The following RARS1 variants were observed in gnomAD, a reference collection of about 807,000 sequenced individuals.
The protein encoded by RARS1 is arginyl-tRNA synthetase 1, also known as arginine--tRNA ligase, cytoplasmic.
In RARS1, 75 loss-of-function variants were observed where a neutral mutation model predicts 78.7. That is an observed-to-expected ratio of 0.95 (90% CI 0.79 to 1.15). RARS1 has a LOEUF of 1.15. Ranked by LOEUF, RARS1 falls within the 50% of genes most tolerant of loss-of-function variation. The probability of loss-of-function intolerance (pLI) is 0.00; values close to 1 mark genes in which losing one functional copy is unlikely to be tolerated. For missense variants in RARS1, 787 were observed against 787.5 expected (o/e 1.00, Z 0.01); for synonymous variants, 273 against 268.2 (o/e 1.02, Z -0.18).
chr5:168,500,843 T>G, intron 8 of RARS1, 123 bp downstream of exon 8: 1 of 1,211,664 alleles, frequency 8.3e-7, no homozygotes, highest in Non-Finnish European at 1.1e-6. Flanking sequence ...ATAGATTTTT[T>G]CTTAAATGTA....
chr5:168,516,289 C>G (rs1758664920), intron 12 of RARS1, among the ~76,000 whole-genome samples: 1 of 152,104 alleles, frequency 6.6e-6, no homozygotes, highest in Non-Finnish European at 1.5e-5. Flanking sequence ...TTACTTGTGG[C>G]CTAATAATGC....
In RARS1 at chr5:168,494,669, A is replaced by C. The variant is rs377040564; in HGVS notation, c.579+19A>C. 1 of 1,460,856 alleles carries C rather than the reference A, an allele frequency of 6.8e-7. No homozygotes were observed. Among genetic ancestry groups the C allele is most frequent in the Non-Finnish European group, 9.6e-7 (1 of 1,042,366 alleles). The allele number at this position is 1,460,856 out of a possible 1,614,324, so 90.5% of individuals were successfully genotyped here. A position where few individuals can be genotyped will look rare whatever the true frequency, so the allele number is the denominator to read the frequency against. ...TAAAAAGGTATATGTACACTCTTCT[A>C]TTAATATATTAGTATCTTAGAACTG... On this transcript the variant is annotated intron_variant, in intron 5 of 14. Transcript: ENST00000231572.
intron 7 of RARS1, chr5:168,498,170 G>A (rs1396667193): frequency 6.6e-6 from 1 of 152,066 alleles, no homozygotes; most frequent in Non-Finnish European, 1.5e-5. Context: ...GGTCAAGGCT[G>A]CAGTGTGCCA....
At chr5:168,489,357 CCTTTT>C (rs1561818491) in intron 2 of RARS1, among the ~76,000 whole-genome samples, 7 of 152,042 alleles carry the variant, frequency 4.6e-5, no homozygotes, top group Admixed American at 1.3e-4. Flanking sequence ...TATGCCCATG[CCTTTT>C]TTAAAAAAAC....
chr5:168,489,812 C>T (rs1291717970), intron 2 of RARS1, among the ~76,000 whole-genome samples: 2 of 130,320 alleles, frequency 1.5e-5, no homozygotes, highest in African/African-American at 2.8e-5. Flanking sequence ...CTCATATTAT[C>T]TTTTTTTTTT....
At chr5:168,509,475 ATATCCTTGGTGT>A (rs1758523548) in intron 11 of RARS1, among the ~76,000 whole-genome samples, 1 of 136,226 alleles carries the variant, frequency 7.3e-6, no homozygotes, top group Non-Finnish European at 1.6e-5. Flanking sequence ...AAATGATATT[ATATCCTTGGTGT>A]TATGTAAACT....
chr5:168,515,960 C>T (rs1758658620), intron 12 of RARS1, among the ~76,000 whole-genome samples: 1 of 152,162 alleles, frequency 6.6e-6, no homozygotes, highest in South Asian at 2.1e-4. Context: ...GCTTCTTTGG[C>T]AGCCCCGTAC....
chr5:168,514,098 C>T (rs1758618954), intron 12 of RARS1, among the ~76,000 whole-genome samples: 1 of 152,150 alleles, frequency 6.6e-6, no homozygotes, highest in Admixed American at 6.5e-5. Context: ...ATTGTTTCTC[C>T]TTTGAAAGTA....
At chr5:168,493,120 A>C in intron 3 of RARS1, 1 of 297,738 alleles carries the variant, frequency 3.4e-6, no homozygotes, top group Non-Finnish European at 6.4e-6. Flanking sequence ...TGCTGTGTCC[A>C]GGATTGCTGT....
At chr5:168,513,052 CTT>C (rs541411053) in intron 12 of RARS1, among the ~76,000 whole-genome samples, 6 of 143,776 alleles carry the variant, frequency 4.2e-5, no homozygotes, top group Admixed American at 6.9e-5. Flanking sequence ...TCTTTCTTTC[CTT>C]TTTTTTTTTG....
At chr5:168,503,690 C>A (rs1582435367) in intron 9 of RARS1, among the ~76,000 whole-genome samples, 1 of 152,142 alleles carries the variant, frequency 6.6e-6, no homozygotes, top group East Asian at 1.9e-4. Context: ...GACCTGAAAT[C>A]AACCATATCT....
At chr5:168,509,902 T>C (rs1403336726) in intron 11 of RARS1, among the ~76,000 whole-genome samples, 1 of 152,108 alleles carries the variant, frequency 6.6e-6, no homozygotes, top group African/African-American at 2.4e-5. Context: ...GCCCAGGAGT[T>C]CAAGGTTACA....
chr5:168,507,618 A>G (rs1233498056), intron 11 of RARS1, among the ~76,000 whole-genome samples: 1 of 152,232 alleles, frequency 6.6e-6, no homozygotes, highest in Non-Finnish European at 1.5e-5. Flanking sequence ...TTGAACATGT[A>G]AAAGGCAGAT....
At position 168,517,999 on chromosome 5, in the gene RARS1, C is replaced by T; in HGVS notation, c.1810C>T (p.Leu604=). The change falls in exon 14 of 15, where the codon CTG becomes TTG. Residue 604 remains leucine (L), a synonymous_variant. Coordinates refer to ENST00000231572, the MANE Select transcript of RARS1 (RefSeq NM_002887.4). ...LHTLCDYIYE[L]ATAFTEFYDS... ...CACTCTCTGTGATTATATATATGAG[C>T]TGGCAACTGCTTTCACAGAGTTCTA... The T allele has an allele frequency of 6.3e-7, 1 of 1,594,090 alleles. No homozygotes were observed. Among genetic ancestry groups the T allele is most frequent in the South Asian group, 1.1e-5 (1 of 90,792 alleles).
At position 168,516,282 on chromosome 5, in the gene RARS1, C is replaced by T. The variant is rs554932509; in HGVS notation, c.1453-496C>T. Among the ~76,000 whole-genome samples the T allele has an allele frequency of 4.6e-5, 7 of 152,288 alleles. No homozygotes were observed. The Middle Eastern group carries it at 0.017, about 370-fold the overall frequency. On this transcript the variant is annotated intron_variant, in intron 12 of 14. Transcript: ENST00000231572. ...AGAAGCAAAAATCCTTAATTACTTACTTGTGGCCTAATAATGCTTTAGAAT... is the reference window on the plus strand; with the variant it reads ...AGAAGCAAAAATCCTTAATTACTTATTTGTGGCCTAATAATGCTTTAGAAT...
At position 168,488,691 on chromosome 5, in the gene RARS1, A is replaced by G; in HGVS notation, c.135A>G (p.Gln45=). The G allele has an allele frequency of 6.2e-7, 1 of 1,611,840 alleles. No individual in the cohort carries two copies. The highest frequency in any genetic ancestry group is 8.5e-7 in the Non-Finnish European group (1 of 1,179,446). ...CTTCTCCAAATTTGGAGCAGTTACA[A>G]GAAGAAAATTTAAAATTAAAGTATC... ...LGASPNLEQL[Q]EENLKLKYRL... Residue 45 remains glutamine, a synonymous_variant, in exon 2 of 15, where the codon CAA becomes CAG. Transcript: ENST00000231572.
At chr5:168,503,467 T>C (rs949151999) in intron 9 of RARS1, among the ~76,000 whole-genome samples, 1 of 152,232 alleles carries the variant, frequency 6.6e-6, no homozygotes, top group African/African-American at 2.4e-5. Flanking sequence ...AGTGAGTTGT[T>C]TGATTTTGAT....
Position 168,502,118 on chromosome 5 carries a change from CTTTT to C in RARS1, c.1057+14_1057+17del. On this transcript the variant is annotated intron_variant, in intron 9 of 14. Coordinates refer to ENST00000231572, the MANE Select transcript of RARS1 (RefSeq NM_002887.4). ...TTTGAAGATAGAGGTAGGCACTCTT[CTTTT>C]AACTTTTTATTATGGAAATTTTCAA... The C allele has an allele frequency of 6.4e-7, 1 of 1,573,202 alleles. No homozygotes were observed. The highest frequency in any genetic ancestry group is 2.3e-5 in the East Asian group (1 of 44,092).
chr5:168,498,943 C>T (rs765803038), intron 7 of RARS1, among the ~76,000 whole-genome samples: 10 of 151,914 alleles, frequency 6.6e-5, no homozygotes, highest in Non-Finnish European at 1.3e-4. Flanking sequence ...TTGCACTATA[C>T]AGCCTGGGCA....
Sources: allele counts gnomAD v4.1 joint callset (sites outside exome capture counted in the v4.1 genomes callset), GRCh38; gene constraint gnomAD v4.1.1; transcripts MANE v1.5; gene names NCBI Gene and HGNC (gene_info 2026-07-23, HGNC 2026-07-21).